Variants in ARL15 observed in about 807,000 individuals in gnomAD.
The protein encoded by ARL15 is ADP-ribosylation factor-like protein 15.
ARL15 carries 19 observed loss-of-function variants against 25.2 expected under a neutral mutation model. That is an observed-to-expected ratio of 0.75 (90% CI 0.53 to 1.10). The LOEUF (loss-of-function observed/expected upper bound fraction) is 1.10, where lower values mean the gene tolerates loss of function less well. Among genes scored for constraint, ARL15 ranks in the 50% least tolerant of loss-of-function variants. The probability of loss-of-function intolerance (pLI) is 0.00; values close to 1 mark genes in which losing one functional copy is unlikely to be tolerated. For missense variants in ARL15, 220 were observed against 246.0 expected (o/e 0.89, Z 0.71); for synonymous variants, 94 against 86.8 (o/e 1.08, Z -0.46).
At chr5:53,887,885 A>G (rs543419205) in intron 4 of ARL15, among the ~76,000 whole-genome samples, 1 of 152,330 alleles carries the variant, frequency 6.6e-6, no homozygotes, top group Non-Finnish European at 1.5e-5. Flanking sequence ...GTTTGTTGAC[A>G]GTAGAGATAT....
Position 53,886,275 on chromosome 5 carries a change from T to G in ARL15, c.*286A>C. 1 of 308,502 alleles carries G rather than the reference T, an allele frequency of 3.2e-6. No homozygotes were observed. Among genetic ancestry groups the G allele is most frequent in the South Asian group, 4.7e-5 (1 of 21,360 alleles). 19.1% of individuals were successfully genotyped at this position (308,502 alleles called of 1,614,324 possible). A position where few individuals can be genotyped will look rare whatever the true frequency, so the allele number is the denominator to read the frequency against. ...GAATTCCATCCGTTTCAGCACAGAGTATAGAAGAGATGCTTAGAACAACAG... is the reference window on the plus strand; with the variant it reads ...GAATTCCATCCGTTTCAGCACAGAGGATAGAAGAGATGCTTAGAACAACAG... On this transcript the variant is annotated 3_prime_UTR_variant, in exon 5 of 5. Transcript: ENST00000504924.
At chr5:54,019,895 A>G (rs939829020) in intron 4 of ARL15, among the ~76,000 whole-genome samples, 2 of 152,240 alleles carry the variant, frequency 1.3e-5, no homozygotes, top group Non-Finnish European at 2.9e-5. Context: ...CAAAAGCATT[A>G]AACTCTTTCA....
chr5:54,286,647 A>C (rs1758186009), intron 1 of ARL15, among the ~76,000 whole-genome samples: 1 of 152,204 alleles, frequency 6.6e-6, no homozygotes, highest in South Asian at 2.1e-4. Flanking sequence ...AATCACACGT[A>C]ATATCCAGGC....
At chr5:54,122,235 T>C (rs1355145507) in intron 3 of ARL15, among the ~76,000 whole-genome samples, 1 of 152,256 alleles carries the variant, frequency 6.6e-6, no homozygotes, top group Non-Finnish European at 1.5e-5. Context: ...GCTGTCTAGA[T>C]TTCTTCCCTT....
At chr5:54,208,123 A>G (rs2112499387) in intron 1 of ARL15, among the ~76,000 whole-genome samples, 1 of 152,258 alleles carries the variant, frequency 6.6e-6, no homozygotes, top group East Asian at 1.9e-4. Flanking sequence ...TAACTACCCC[A>G]AGAGAGAAAA....
intron 4 of ARL15, among the ~76,000 whole-genome samples, chr5:53,969,063 T>C (rs1284665233): frequency 6.6e-6 from 1 of 151,838 alleles, no homozygotes; most frequent in Non-Finnish European, 1.5e-5. Flanking sequence ...GGCAGGAGAA[T>C]TGTTTGAGAA....
chr5:54,239,009 A>G (rs952267351), intron 1 of ARL15, among the ~76,000 whole-genome samples: 1 of 152,238 alleles, frequency 6.6e-6, no homozygotes, highest in Admixed American at 6.5e-5. Context: ...TCTTCTAAGT[A>G]ATACAGCAGT....
intron 4 of ARL15, among the ~76,000 whole-genome samples, chr5:54,052,238 A>C (rs777051197): frequency 5.9e-5 from 9 of 152,236 alleles, no homozygotes; most frequent in Non-Finnish European, 7.3e-5. Flanking sequence ...CAAAACCCAA[A>C]GAACTTTATA....
intron 4 of ARL15, among the ~76,000 whole-genome samples, chr5:54,054,439 A>G (rs2112001523): frequency 6.6e-6 from 1 of 152,364 alleles, no homozygotes; most frequent in East Asian, 1.9e-4. Context: ...GCACAATGAA[A>G]TATTACACAA....
chr5:54,118,833 T>G (rs532713682), intron 3 of ARL15, among the ~76,000 whole-genome samples: 1 of 152,160 alleles, frequency 6.6e-6, no homozygotes, highest in Non-Finnish European at 1.5e-5. Context: ...ATGGCATGCC[T>G]CCCAGGAGAT....
chr5:54,180,527 G>A (rs1392970073), intron 1 of ARL15, among the ~76,000 whole-genome samples: 2 of 152,160 alleles, frequency 1.3e-5, no homozygotes, highest in African/African-American at 4.8e-5. Flanking sequence ...GTTTTGAGGT[G>A]GAAATCCTGT....
chr5:53,919,989 G>A (rs574665045), intron 4 of ARL15, among the ~76,000 whole-genome samples: 3 of 152,154 alleles, frequency 2.0e-5, no homozygotes, highest in African/African-American at 4.8e-5. Flanking sequence ...GTATAGACTG[G>A]GCACAAATAT....
chr5:54,282,450 A>C (rs1012371584), intron 1 of ARL15: 1 of 985,432 alleles, frequency 1.0e-6, no homozygotes, highest in African/African-American at 1.7e-5. Context: ...CTGTTTTATG[A>C]GGAAGTGGCT....
chr5:54,218,252 A>G (rs1324064121), intron 1 of ARL15, among the ~76,000 whole-genome samples: 1 of 152,160 alleles, frequency 6.6e-6, no homozygotes, highest in African/African-American at 2.4e-5. Context: ...ATTCAAAAAG[A>G]GCATGGTTTT....
At chr5:53,977,958 C>G (rs1747996462) in intron 4 of ARL15, among the ~76,000 whole-genome samples, 1 of 151,856 alleles carries the variant, frequency 6.6e-6, no homozygotes, top group African/African-American at 2.4e-5. Flanking sequence ...AATGGAAGGT[C>G]TGAGGCTTTT....
At chr5:54,248,447 T>TGG (rs2112592395) in intron 1 of ARL15, among the ~76,000 whole-genome samples, 1 of 152,268 alleles carries the variant, frequency 6.6e-6, no homozygotes, top group Admixed American at 6.5e-5. Flanking sequence ...TTTGCAATAC[T>TGG]GTCTCCTCTG....
chr5:54,300,088 A>G (rs1292732631), intron 1 of ARL15, among the ~76,000 whole-genome samples: 1 of 152,128 alleles, frequency 6.6e-6, no homozygotes, highest in African/African-American at 2.4e-5. Context: ...CAATACCTAC[A>G]GTGGTTTTAA....
intron 2 of ARL15, among the ~76,000 whole-genome samples, chr5:54,167,805 C>T (rs753399204): frequency 3.3e-4 from 50 of 152,132 alleles, no homozygotes; most frequent in Non-Finnish European, 8.8e-5. Context: ...GGAGTGAAAA[C>T]GATGGTCTAC....
intron 4 of ARL15, among the ~76,000 whole-genome samples, chr5:53,941,324 T>A (rs1219275609): frequency 6.6e-6 from 1 of 152,194 alleles, no homozygotes; most frequent in African/African-American, 2.4e-5. Flanking sequence ...AACTTGCTGT[T>A]CTCAGAAAAG....
Sources: allele counts gnomAD v4.1 joint callset (sites outside exome capture counted in the v4.1 genomes callset), GRCh38; gene constraint gnomAD v4.1.1; transcripts MANE v1.5; gene names NCBI Gene and HGNC (gene_info 2026-07-23, HGNC 2026-07-21).